The following KCNMB4 variants were observed in gnomAD, a reference collection of about 807,000 sequenced individuals.
KCNMB4 encodes the protein potassium calcium-activated channel subfamily M regulatory beta subunit 4, also known as calcium-activated potassium channel subunit beta-4.
In KCNMB4, 3 loss-of-function variants were observed where a neutral mutation model predicts 20.7. The observed-to-expected ratio is 0.14, with a 90% CI of 0.07 to 0.37. KCNMB4 has a LOEUF of 0.37. KCNMB4 is among the 10% of genes least tolerant of loss of function. KCNMB4 has a pLI of 1.00. For missense variants in KCNMB4, 168 were observed against 265.9 expected, an observed-to-expected ratio of 0.63 and a Z score of 2.56; for synonymous variants, 110 against 113.4, an observed-to-expected ratio of 0.97 and a Z score of 0.19.
At chr12:70,390,655 G>GTAACCTGATT (rs1226428018) in intron 1 of KCNMB4, among the ~76,000 whole-genome samples, 3 of 152,332 alleles carry the variant, frequency 2.0e-5, no homozygotes, top group Admixed American at 6.5e-5. Context: ...GCTACTGAAA[G>GTAACCTGATT]CTGGCAGGTT....
intron 1 of KCNMB4, among the ~76,000 whole-genome samples, chr12:70,386,048 T>TAC (rs1480779980): frequency 2.0e-5 from 3 of 152,172 alleles, no homozygotes; most frequent in Non-Finnish European, 4.4e-5. Context: ...AACATATATA[T>TAC]ACAGATGAAA....
intron 2 of KCNMB4, among the ~76,000 whole-genome samples, chr12:70,410,338 C>A (rs1045743633): frequency 1.3e-5 from 2 of 152,178 alleles, no homozygotes; most frequent in Middle Eastern, 3.2e-3. Context: ...CTTCTCCCAC[C>A]TTTTCAGGTA....
At chr12:70,390,166 A>G (rs1016535123) in intron 1 of KCNMB4, among the ~76,000 whole-genome samples, 1 of 152,216 alleles carries the variant, frequency 6.6e-6, no homozygotes, top group Non-Finnish European at 1.5e-5. Flanking sequence ...ACTGCAGAGT[A>G]TTCCTTGGGG....
intron 1 of KCNMB4, among the ~76,000 whole-genome samples, chr12:70,390,643 T>C (rs550812689): frequency 2.6e-5 from 4 of 152,342 alleles, no homozygotes; most frequent in African/African-American, 9.6e-5. Flanking sequence ...CCTGCTCTGA[T>C]TGCTACTGAA....
chr12:70,393,315 G>T (rs770126356), intron 1 of KCNMB4, among the ~76,000 whole-genome samples: 25 of 152,078 alleles, frequency 1.6e-4, no homozygotes, highest in Non-Finnish European at 2.8e-4. Context: ...CGATTCTCCT[G>T]CCTCAGCCTC....
At chr12:70,367,208 A>G (rs1288172532) in intron 1 of KCNMB4, 138 bp downstream of exon 1, 2 of 614,642 alleles carry the variant, frequency 3.3e-6, no homozygotes, top group Non-Finnish European at 5.2e-6. Context: ...CTGTGCTCAA[A>G]CCAGGAATGA....
At chr12:70,398,010 T>C (rs748137300) in intron 1 of KCNMB4, among the ~76,000 whole-genome samples, 1 of 152,188 alleles carries the variant, frequency 6.6e-6, no homozygotes, top group Non-Finnish European at 1.5e-5. Flanking sequence ...ATATATATTT[T>C]AATAGAAGGA....
intron 2 of KCNMB4, among the ~76,000 whole-genome samples, chr12:70,401,966 G>A (rs978214739): frequency 3.9e-5 from 6 of 152,132 alleles, no homozygotes; most frequent in African/African-American, 1.4e-4. Context: ...TCTGGAGTAG[G>A]CTTTGCCTCT....
At chr12:70,427,283 AATTAAGGCACTAC>A (rs1869239709) in intron 2 of KCNMB4, among the ~76,000 whole-genome samples, 1 of 152,230 alleles carries the variant, frequency 6.6e-6, no homozygotes, top group Non-Finnish European at 1.5e-5. Flanking sequence ...GAGTGCCTTC[AATTAAGGCACTAC>A]AAGCCCAGTT....
chr12:70,398,485 C>T (rs578021666), intron 1 of KCNMB4, among the ~76,000 whole-genome samples: 5 of 152,066 alleles, frequency 3.3e-5, no homozygotes, highest in South Asian at 2.1e-4. Context: ...TTTTTAGCTT[C>T]GTATTATTGT....
chr12:70,382,002 TA>T (rs1296655644), intron 1 of KCNMB4, among the ~76,000 whole-genome samples: 1 of 152,262 alleles, frequency 6.6e-6, no homozygotes, highest in East Asian at 1.9e-4. Context: ...AACTGCCTAT[TA>T]TTTTTTGGAA....
Position 70,366,720 on chromosome 12 carries a change from C to T in KCNMB4, c.-15C>T. 2 of 1,548,104 alleles carry T rather than the reference C, an allele frequency of 1.3e-6. No homozygotes were observed. Among genetic ancestry groups the T allele is most frequent in the Non-Finnish European group, 1.7e-6 (2 of 1,148,302 alleles). On this transcript the variant is annotated 5_prime_UTR_variant, in exon 1 of 3. Coordinates refer to ENST00000258111, the MANE Select transcript of KCNMB4 (RefSeq NM_014505.6). ...GGGGCGGGGGGAGCACGCCAGCCGC[C>T]GAGAGTGGGGGGCGATGGCGAAGCT...
chr12:70,371,921 T>G (rs73326321), intron 1 of KCNMB4, among the ~76,000 whole-genome samples: 27,740 of 152,012 alleles, frequency 0.18, 4,789 homozygotes, highest in African/African-American at 0.46. Flanking sequence ...TAAAGAAAAT[T>G]TGGGCAGGAT....
intron 2 of KCNMB4, among the ~76,000 whole-genome samples, chr12:70,421,574 T>TTTTATTTA (rs200612643): frequency 8.0e-4 from 120 of 150,030 alleles, no homozygotes; most frequent in African/African-American, 2.7e-3. Context: ...CTCCAAGGGT[T>TTTTATTTA]TTTATTTATT....
intron 1 of KCNMB4, among the ~76,000 whole-genome samples, chr12:70,370,484 T>C (rs1207162825): frequency 1.3e-5 from 2 of 151,848 alleles, no homozygotes; most frequent in African/African-American, 4.8e-5. Flanking sequence ...ATTTTTTCTA[T>C]TTTTAGTGAG....
chr12:70,383,842 G>A (rs12422881), intron 1 of KCNMB4, among the ~76,000 whole-genome samples: 6,566 of 152,278 alleles, frequency 0.043, 443 homozygotes, highest in East Asian at 0.33. Context: ...GCCAAGTTGG[G>A]TGGATCACTT....
chr12:70,373,163 A>G (rs1419129542), intron 1 of KCNMB4, among the ~76,000 whole-genome samples: 1 of 152,218 alleles, frequency 6.6e-6, no homozygotes, highest in African/African-American at 2.4e-5. Flanking sequence ...GGTAGGAGGA[A>G]TAATGTCTCC....
At chr12:70,429,666 C>CAAAAAA (rs11320039) in intron 2 of KCNMB4, among the ~76,000 whole-genome samples, 3 of 117,186 alleles carry the variant, frequency 2.6e-5, no homozygotes, top group African/African-American at 3.3e-5. Context: ...GACTCCATCT[C>CAAAAAA]AAAAAAAAAA....
At chr12:70,374,293 A>T (rs747213735) in intron 1 of KCNMB4, among the ~76,000 whole-genome samples, 1 of 152,186 alleles carries the variant, frequency 6.6e-6, no homozygotes, top group Non-Finnish European at 1.5e-5. Context: ...TTGGGCACTT[A>T]TTTATGAATG....
Sources: allele counts gnomAD v4.1 joint callset (sites outside exome capture counted in the v4.1 genomes callset), GRCh38; gene constraint gnomAD v4.1.1; transcripts MANE v1.5; gene names NCBI Gene and HGNC (gene_info 2026-07-23, HGNC 2026-07-21).